Variants in PDE4D observed in about 807,000 individuals in gnomAD.
The protein encoded by PDE4D is 3',5'-cyclic-AMP phosphodiesterase 4D.
A neutral mutation model predicts 87.4 loss-of-function variants in PDE4D; 24 were observed. The observed-to-expected ratio is 0.27, with a 90% CI of 0.20 to 0.39. PDE4D has a LOEUF of 0.39. Ranked by LOEUF, PDE4D falls within the 10% of genes least tolerant of loss-of-function variation. PDE4D has a pLI of 1.00. For synonymous variants in PDE4D, 384 were observed against 383.2 expected, an observed-to-expected ratio of 1.00 and a Z score of -0.02; for missense variants, 714 against 1,041.0, an observed-to-expected ratio of 0.69 and a Z score of 4.32.
chr5:59,846,064 T>A (rs994246153), intron 1 of PDE4D, among the ~76,000 whole-genome samples: 1 of 152,044 alleles, frequency 6.6e-6, no homozygotes, highest in Non-Finnish European at 1.5e-5. Flanking sequence ...AGATAGGGGT[T>A]AAAATAATAA....
chr5:59,465,734 C>G (rs531460733), intron 1 of PDE4D, among the ~76,000 whole-genome samples: 1 of 152,302 alleles, frequency 6.6e-6, no homozygotes, highest in East Asian at 1.9e-4. Flanking sequence ...GGATTATCTA[C>G]TGTGCAAAAT....
At chr5:60,058,115 T>G (rs2152885384) in intron 2 of PDE4D, among the ~76,000 whole-genome samples, 1 of 152,070 alleles carries the variant, frequency 6.6e-6, no homozygotes, top group East Asian at 1.9e-4. Flanking sequence ...TAAAGAACAC[T>G]TTTTAAAATG....
chr5:59,977,129 G>C (rs554912070), intron 3 of PDE4D, among the ~76,000 whole-genome samples: 1 of 152,298 alleles, frequency 6.6e-6, no homozygotes, highest in East Asian at 1.9e-4. Flanking sequence ...TCAAAAGCTA[G>C]ACATAATAAG....
chr5:59,341,759 T>G (rs1778774090), intron 1 of PDE4D, among the ~76,000 whole-genome samples: 1 of 152,174 alleles, frequency 6.6e-6, no homozygotes, highest in Non-Finnish European at 1.5e-5. Context: ...TTCCTTTGAA[T>G]CATGGGCACT....
At position 60,166,810 on chromosome 5, in the gene PDE4D, T is replaced by G. The variant is rs371551900; in HGVS notation, c.42+18747A>C. On this transcript the variant is annotated intron_variant, in intron 2 of 16. Coordinates refer to the PDE4D transcript ENST00000502484. Reference sequence around the variant, plus strand: ...AGTATTTATTTCTAAAAGATGGCTTTTCTGTGTATAGCATTCTTGGCTGGC... The same window carrying G: ...AGTATTTATTTCTAAAAGATGGCTTGTCTGTGTATAGCATTCTTGGCTGGC... Among the ~76,000 whole-genome samples the G allele has an allele frequency of 5.7e-4, 87 of 152,336 alleles. 1 individual carries two copies. The highest frequency in any genetic ancestry group is 7.9e-4 in the African/African-American group (33 of 41,582).
intron 3 of PDE4D, among the ~76,000 whole-genome samples, chr5:59,933,303 G>A (rs755740808): frequency 4.4e-4 from 67 of 152,256 alleles, no homozygotes; most frequent in Non-Finnish European, 7.2e-4. Flanking sequence ...TTTTAAAGTC[G>A]TGATTTCCTA....
chr5:59,342,828 G>A (rs1189490904), intron 1 of PDE4D, among the ~76,000 whole-genome samples: 1 of 152,008 alleles, frequency 6.6e-6, no homozygotes, highest in Non-Finnish European at 1.5e-5. Flanking sequence ...GACAAACATT[G>A]CATACATTTA....
At chr5:60,073,935 G>T (rs1389263453) in intron 2 of PDE4D, among the ~76,000 whole-genome samples, 3 of 151,840 alleles carry the variant, frequency 2.0e-5, no homozygotes, top group Non-Finnish European at 2.9e-5. Flanking sequence ...TATTAGTCTA[G>T]CTAGCAGTCC....
At chr5:60,113,428 ATTGCCATCATTTTAGTC>A (rs1777867600) in intron 2 of PDE4D, among the ~76,000 whole-genome samples, 1 of 152,074 alleles carries the variant, frequency 6.6e-6, no homozygotes, top group African/African-American at 2.4e-5. Flanking sequence ...TAACCCTTAC[ATTGCCATCATTTTAGTC>A]TTTGTGTTGC....
intron 1 of PDE4D, among the ~76,000 whole-genome samples, chr5:59,441,405 T>C (rs538463478): frequency 1.4e-4 from 22 of 152,262 alleles, no homozygotes; most frequent in African/African-American, 5.3e-4. Context: ...CCCTGAATCT[T>C]TTTAATATGA....
chr5:59,028,582 C>G (rs567527568), intron 6 of PDE4D, among the ~76,000 whole-genome samples: 1 of 151,522 alleles, frequency 6.6e-6, no homozygotes, highest in South Asian at 2.1e-4. Context: ...CAACGTGGCC[C>G]AATTTACGTT....
chr5:59,212,433 C>T (rs1750285843), intron 2 of PDE4D, among the ~76,000 whole-genome samples: 1 of 152,080 alleles, frequency 6.6e-6, no homozygotes, highest in African/African-American at 2.4e-5. Flanking sequence ...CAACACATTA[C>T]TTTTCAGCAA....
intron 2 of PDE4D, among the ~76,000 whole-genome samples, chr5:60,150,442 T>A (rs1006328638): frequency 6.6e-6 from 1 of 152,176 alleles, no homozygotes; most frequent in African/African-American, 2.4e-5. Flanking sequence ...ACTTTTTATG[T>A]ATTATCATTA....
In PDE4D at chr5:59,615,968, C is replaced by CT. The variant is rs542347424; in HGVS notation, c.455+277199dup. Among the ~76,000 whole-genome samples the CT allele has an allele frequency of 2.0e-3, 289 of 145,696 alleles. 2 individuals carry two copies. The highest frequency in any genetic ancestry group is 6.3e-3 in the African/African-American group (250 of 39,904). Reference sequence around the variant, plus strand: ...TTTTCCATAAGCATCCACAATCTGTCTTTTTTTTTTTCAATTATACTTTAA... The same window carrying CT: ...TTTTCCATAAGCATCCACAATCTGTCTTTTTTTTTTTTCAATTATACTTTAA... On this transcript the variant is annotated intron_variant, in intron 1 of 14. Transcript: ENST00000340635.
chr5:59,651,148 C>T (rs1325263395), intron 1 of PDE4D, among the ~76,000 whole-genome samples: 3 of 151,086 alleles, frequency 2.0e-5, no homozygotes, highest in African/African-American at 4.9e-5. Context: ...CCCAGCTACT[C>T]GGGAGGCTGA....
At chr5:59,196,385 A>AT (rs1299013672) in intron 2 of PDE4D, among the ~76,000 whole-genome samples, 2 of 152,202 alleles carry the variant, frequency 1.3e-5, no homozygotes, top group East Asian at 3.8e-4. Context: ...CTCTAGGAAA[A>AT]TGGCCCAATA....
chr5:59,155,432 T>G (rs1456620544), intron 5 of PDE4D, among the ~76,000 whole-genome samples: 1 of 151,942 alleles, frequency 6.6e-6, no homozygotes, highest in Non-Finnish European at 1.5e-5. Flanking sequence ...AGAAGACAAT[T>G]AGGAGTTCAT....
intron 1 of PDE4D, among the ~76,000 whole-genome samples, chr5:60,242,075 A>G (rs1747195001): frequency 6.6e-6 from 1 of 152,036 alleles, no homozygotes; most frequent in African/African-American, 2.4e-5. Flanking sequence ...CTTCAAACAT[A>G]CATTGCCTAT....
chr5:60,170,534 T>C (rs1783324056), intron 2 of PDE4D, among the ~76,000 whole-genome samples: 1 of 152,000 alleles, frequency 6.6e-6, no homozygotes, highest in South Asian at 2.1e-4. Context: ...AAGGTTGTTA[T>C]GAGTTGCAAA....
Sources: gnomAD v4.1 joint callset for allele counts (sites outside exome capture counted in the v4.1 genomes callset) on GRCh38, gnomAD v4.1.1 for gene constraint, MANE v1.5 for transcripts, NCBI Gene and HGNC (gene_info 2026-07-23, HGNC 2026-07-21) for gene names.